Variants in ZCCHC14 observed in about 807,000 individuals in gnomAD.
The protein encoded by ZCCHC14 is zinc finger CCHC domain-containing protein 14.
ZCCHC14 carries 16 observed loss-of-function variants against 85.0 expected under a neutral mutation model. The ratio of observed to expected loss-of-function variants is 0.19; its 90% CI spans 0.13 to 0.29. ZCCHC14 has a LOEUF of 0.29. ZCCHC14 is among the 10% of genes least tolerant of loss of function. The pLI is 1.00. For missense variants in ZCCHC14, 1,303 were observed against 1,443.5 expected, an observed-to-expected ratio of 0.90 and a Z score of 1.58; for synonymous variants, 775 against 630.7, an observed-to-expected ratio of 1.23 and a Z score of -3.43.
Position 87,417,678 on chromosome 16 carries a change from G to C in ZCCHC14, c.1165C>G (p.Pro389Ala), listed in dbSNP as rs572619543. 1 of 1,610,908 alleles carries C rather than the reference G, an allele frequency of 6.2e-7. No homozygotes were observed. ...GGCAAGGGGGCGGCGGAGCCGGCCG[G>C]GTGCTGCCCGTGGTGCTGGGCTCCG... ...QSGAQHHGQH[P>A]AGSAAPLPHC... Residue 389 changes from proline (P) to alanine (A), a missense_variant, in exon 8 of 13, where the codon CCG (proline) becomes GCG (alanine). Pro to Ala is a conservative substitution (Grantham distance 27). Coordinates refer to ENST00000671377, the MANE Select transcript of ZCCHC14 (RefSeq NM_015144.3).
intron 2 of ZCCHC14, among the ~76,000 whole-genome samples, chr16:87,441,175 G>C (rs4538021): frequency 0.16 from 24,918 of 151,802 alleles, 6,823 homozygotes; most frequent in African/African-American, 0.57. Context: ...TGTATTTTTA[G>C]TAGACACTGG....
At chr16:87,417,108 T>A (rs1177665355) in intron 8 of ZCCHC14, among the ~76,000 whole-genome samples, 2 of 152,196 alleles carry the variant, frequency 1.3e-5, no homozygotes, top group African/African-American at 4.8e-5. Flanking sequence ...CGCCGCAGTG[T>A]CTGCGCCAGC....
At chr16:87,475,988 C>A (rs1479552043) in intron 1 of ZCCHC14, among the ~76,000 whole-genome samples, 1 of 152,166 alleles carries the variant, frequency 6.6e-6, no homozygotes, top group South Asian at 2.1e-4. Flanking sequence ...CATCTTAAAG[C>A]CAGCTGGAGA....
intron 2 of ZCCHC14, among the ~76,000 whole-genome samples, chr16:87,443,571 A>C (rs1910286992): frequency 1.3e-5 from 2 of 152,102 alleles, no homozygotes; most frequent in Admixed American, 1.3e-4. Context: ...CCCCATTTCT[A>C]CTAAAAATTT....
intron 1 of ZCCHC14, among the ~76,000 whole-genome samples, chr16:87,485,761 C>G (rs1251213637): frequency 3.3e-5 from 5 of 152,114 alleles, no homozygotes; most frequent in African/African-American, 7.2e-5. Flanking sequence ...CTATTCTATT[C>G]TACTAGCTGG....
At chr16:87,474,749 G>A (rs570312160) in intron 1 of ZCCHC14, among the ~76,000 whole-genome samples, 24 of 152,312 alleles carry the variant, frequency 1.6e-4, no homozygotes, top group African/African-American at 5.5e-4. Flanking sequence ...GATCGCAGCT[G>A]GAAAGCGACA....
chr16:87,415,682 T>C (rs903718419), intron 8 of ZCCHC14, among the ~76,000 whole-genome samples: 12 of 152,192 alleles, frequency 7.9e-5, no homozygotes, highest in African/African-American at 1.4e-4. Context: ...CCACTTGCCC[T>C]CTGCTCTGTG....
rs2150783594 is a variant in ZCCHC14 at position 87,492,327 on chromosome 16, G to A, written c.-89C>T. Reference sequence around the variant, plus strand: ...CGGGGGCCGCGGCCGGGGCGCGCCGGGACCGGGGACGCGCGGGCCGGGGCC... The same window carrying A: ...CGGGGGCCGCGGCCGGGGCGCGCCGAGACCGGGGACGCGCGGGCCGGGGCC... On this transcript the variant is annotated 5_prime_UTR_variant, in exon 1 of 13. Coordinates refer to ENST00000671377, the MANE Select transcript of ZCCHC14 (RefSeq NM_015144.3). This position sits in a 1 kb window ranked among gnomAD's most constrained non-coding sequence, Gnocchi z 6.7. The A allele has an allele frequency of 2.0e-6, 1 of 509,292 alleles. No homozygotes were observed. The highest frequency in any genetic ancestry group is 6.6e-5 in the Admixed American group (1 of 15,072). 31.5% of individuals were successfully genotyped at this position (509,292 alleles called of 1,614,324 possible).
intron 4 of ZCCHC14, among the ~76,000 whole-genome samples, chr16:87,422,925 C>T (rs929258516): frequency 6.6e-6 from 1 of 152,054 alleles, no homozygotes; most frequent in Non-Finnish European, 1.5e-5. Context: ...TGTGTGTTAC[C>T]CTCGAAGGCG....
intron 2 of ZCCHC14, among the ~76,000 whole-genome samples, chr16:87,444,754 A>AT (rs1910352439): frequency 6.6e-6 from 1 of 152,170 alleles, no homozygotes. Context: ...ACAAGGGAAG[A>AT]TGGAGGAGCA....
At chr16:87,445,140 C>A (rs985245711) in intron 2 of ZCCHC14, among the ~76,000 whole-genome samples, 12 of 151,122 alleles carry the variant, frequency 7.9e-5, no homozygotes, top group African/African-American at 2.9e-4. Flanking sequence ...GATATCAGCT[C>A]ACTGCAACCT....
At chr16:87,480,717 A>G (rs994480681) in intron 1 of ZCCHC14, among the ~76,000 whole-genome samples, 1 of 152,210 alleles carries the variant, frequency 6.6e-6, no homozygotes, top group Non-Finnish European at 1.5e-5. Context: ...AGTGATTTAA[A>G]AAGTCAGTCT....
chr16:87,452,749 C>T (rs1401260703), intron 2 of ZCCHC14, among the ~76,000 whole-genome samples: 1 of 151,942 alleles, frequency 6.6e-6, no homozygotes, highest in Non-Finnish European at 1.5e-5. Context: ...TCTGAAAGCA[C>T]CTACCCTGCT....
intron 1 of ZCCHC14, among the ~76,000 whole-genome samples, chr16:87,477,412 G>A (rs1049359708): frequency 3.3e-5 from 5 of 152,170 alleles, no homozygotes; most frequent in African/African-American, 7.2e-5. Context: ...GGGCAGCCCC[G>A]GGCATCAGCA....
rs1313967868 is a variant in ZCCHC14, at chr16:87,410,235, TTA to T, written c.*43_*44del. ...TTCTCAGTTTTGTATTTAATTTTCC[TTA>T]TGTCTCCATGGCTTAATAACGTTCT... is the stretch of plus-strand genomic sequence containing the variant. On this transcript the variant is annotated 3_prime_UTR_variant, in exon 13 of 13. Coordinates refer to ENST00000671377, the MANE Select transcript of ZCCHC14 (RefSeq NM_015144.3). 2.8e-6 allele frequency: 2 copies of T among 703,968 alleles called. No individual in the cohort carries two copies. Among genetic ancestry groups the T allele is most frequent in the South Asian group, 1.6e-5 (1 of 62,508 alleles). The allele number at this position is 703,968 out of a possible 1,614,324, so 43.6% of individuals were successfully genotyped here. A position where few individuals can be genotyped will look rare whatever the true frequency, so the allele number is the denominator to read the frequency against.
intron 1 of ZCCHC14, among the ~76,000 whole-genome samples, chr16:87,485,253 G>A (rs1912463432): frequency 6.6e-6 from 1 of 152,180 alleles, no homozygotes; most frequent in Admixed American, 6.5e-5. Flanking sequence ...AAGATACTCT[G>A]TCTTGCTTCT....
intron 9 of ZCCHC14, 57 bp from the exon 10 acceptor site, chr16:87,414,598 A>G: frequency 6.4e-7 from 1 of 1,554,778 alleles, no homozygotes; most frequent in East Asian, 2.3e-5. Flanking sequence ...GCTGCCTCAC[A>G]TGCGGCTTCA....
rs1909032427 is a variant in ZCCHC14 at position 87,420,412 on chromosome 16, C to G, written c.950+195G>C. 6.6e-6 allele frequency among the ~76,000 whole-genome samples: 1 copy of G among 152,236 alleles called. No individual in the cohort carries two copies. The highest frequency in any genetic ancestry group is 1.9e-4 in the East Asian group (1 of 5,196). On this transcript the variant is annotated intron_variant, in intron 5 of 12. Coordinates refer to ENST00000671377, the MANE Select transcript of ZCCHC14 (RefSeq NM_015144.3). This position sits in a 1 kb window ranked among gnomAD's most constrained non-coding sequence, Gnocchi z 5.0. ...ACCCTGGAATTCCCTTCCTCACACA[C>G]TCAGAACCACTCTCAGCTTACTGAG... is the stretch of plus-strand genomic sequence containing the variant.
rs770573766 is a variant in ZCCHC14 at position 87,411,973 on chromosome 16, G to A, written c.2748C>T (p.Ala916=). ...ACACAATGCAGCCTGGCGGGGGTGG[G>A]GCGGGCTGCGGGGGTGCCGGGGGCT... The part of the protein sequence containing the change: ...HQQPPAPPQP[A]PPPPGCIVCT... The change falls in exon 12 of 13, where the codon GCC becomes GCT. Residue 916 remains alanine (A), a synonymous_variant. Transcript: ENST00000671377. 2 of 1,603,832 alleles carry A rather than the reference G, an allele frequency of 1.2e-6. No homozygotes were observed. The highest frequency in any genetic ancestry group is 1.7e-6 in the Non-Finnish European group (2 of 1,176,410).
Sources: allele counts gnomAD v4.1 joint callset (sites outside exome capture counted in the v4.1 genomes callset), GRCh38; gene constraint gnomAD v4.1.1; non-coding constraint Gnocchi (gnomAD v3.1); transcripts MANE v1.5; gene names NCBI Gene and HGNC (gene_info 2026-07-23, HGNC 2026-07-21).